C11orf65: variants seen among roughly 807,000 people sequenced by gnomAD.
C11orf65 encodes the protein chromosome 11 open reading frame 65.
A neutral mutation model predicts 35.3 loss-of-function variants in C11orf65; 38 were observed. That is an observed-to-expected ratio of 1.08 (90% CI 0.83 to 1.41). The LOEUF is 1.41. Ranked by LOEUF, C11orf65 falls within the 40% of genes most tolerant of loss-of-function variation. C11orf65 has a pLI of 0.00. For synonymous variants in C11orf65, 105 were observed against 114.4 expected (o/e 0.92, Z 0.53); for missense variants, 370 against 367.1 (o/e 1.01, Z -0.06).
downstream of C11orf65, among the ~76,000 whole-genome samples, chr11:108,378,469 C>A (rs1277749983): frequency 1.5e-5 from 2 of 133,380 alleles, no homozygotes; most frequent in Non-Finnish European, 3.1e-5. Context: ...ACACCTTATA[C>A]AAAAATTAAT....
At chr11:108,348,376 A>T (rs55675181) in intron 2 of C11orf65, among the ~76,000 whole-genome samples, 1 of 151,636 alleles carries the variant, frequency 6.6e-6, no homozygotes, top group Non-Finnish European at 1.5e-5. Flanking sequence ...AGTTTAATAT[A>T]TAAGAAAGAA....
At chr11:108,331,411 T>C (rs764637908) in exon 4 of C11orf65, 1 of 1,604,744 alleles carries the variant, frequency 6.2e-7, no homozygotes, top group South Asian at 1.1e-5. Context: ...AAATACCTTG[T>C]TTCTTAATTT....
intron 2 of C11orf65, among the ~76,000 whole-genome samples, chr11:108,459,755 A>G (rs1373296190): frequency 6.6e-6 from 1 of 150,638 alleles, no homozygotes; most frequent in Non-Finnish European, 1.5e-5. Flanking sequence ...ACACACACAC[A>G]CACACACACA....
rs946400892 is a variant in C11orf65 at position 108,445,324 on chromosome 11, C to T, written c.82-13486G>A. 2.6e-5 allele frequency among the ~76,000 whole-genome samples: 4 copies of T among 152,306 alleles called. No individual in the cohort carries two copies. The East Asian group carries it at 7.7e-4, about 29-fold the overall frequency. On this transcript the variant is annotated intron_variant, in intron 2 of 8. Coordinates refer to ENST00000393084, the MANE Select transcript of C11orf65 (RefSeq NM_152587.5). ...ACTGCCTCCTCAAGTGGGTCCCTGACCCCCGAGCAGCCTAACTGGGAGGCA... is the reference window on the plus strand; with the variant it reads ...ACTGCCTCCTCAAGTGGGTCCCTGATCCCCGAGCAGCCTAACTGGGAGGCA...
chr11:108,383,278 C>G, intron 8 of C11orf65, 103 bp from the exon 9 acceptor site: 2 of 1,017,052 alleles, frequency 2.0e-6, no homozygotes, highest in Admixed American at 6.2e-5. Context: ...TTTCACCATT[C>G]TTAAAGCAAA....
intron 2 of C11orf65, among the ~76,000 whole-genome samples, chr11:108,337,393 G>A (rs1299113097): frequency 6.6e-6 from 1 of 152,166 alleles, no homozygotes; most frequent in East Asian, 1.9e-4. Context: ...CTCTATAAAG[G>A]CTACTCTGTA....
intron 6 of C11orf65, 47 bp downstream of exon 6, chr11:108,405,382 T>C: frequency 6.3e-7 from 1 of 1,587,508 alleles, no homozygotes; most frequent in South Asian, 1.2e-5. Context: ...ATTTGTTTTT[T>C]TCCCAAAATA....
chr11:108,415,857 A>G (rs537920549), intron 3 of C11orf65, among the ~76,000 whole-genome samples: 9 of 152,336 alleles, frequency 5.9e-5, no homozygotes, highest in African/African-American at 1.4e-4. Flanking sequence ...ATTTAGTGAC[A>G]AAAGAATAGT....
chr11:108,326,495 G>C (rs918482877), downstream of C11orf65, among the ~76,000 whole-genome samples: 1 of 152,006 alleles, frequency 6.6e-6, no homozygotes, highest in Non-Finnish European at 1.5e-5. Flanking sequence ...ATTCAAGAAA[G>C]GTATGTGGGA....
At position 108,427,578 on chromosome 11, in the gene C11orf65, C is replaced by A. The variant is rs565496243; in HGVS notation, c.174+4168G>T. Among the ~76,000 whole-genome samples, 3 of 149,752 alleles carry A rather than the reference C, an allele frequency of 2.0e-5. No individual in the cohort carries two copies. In the South Asian group the frequency reaches 6.3e-4, roughly 32 times the overall value. On this transcript the variant is annotated intron_variant, in intron 3 of 8. Transcript: ENST00000393084. ...ACTAAAAAAAAATACAAAAATTAGC[C>A]GGGCATGGTGGCGCGCGTCTGTAGT...
At chr11:108,376,449 A>G (rs1417500050) in intron 2 of C11orf65, among the ~76,000 whole-genome samples, 3 of 152,264 alleles carry the variant, frequency 2.0e-5, no homozygotes, top group Admixed American at 6.5e-5. Flanking sequence ...AAGACACAAC[A>G]TACCAGAATC....
At chr11:108,310,115 T>G (rs761759538) in intron 6 of C11orf65, 2 of 1,576,950 alleles carry the variant, frequency 1.3e-6, no homozygotes, top group Non-Finnish European at 1.7e-6. Flanking sequence ...ATTTTGATAT[T>G]GAAGTTTAAA....
chr11:108,465,983 A>T (rs1425723973), intron 1 of C11orf65, among the ~76,000 whole-genome samples: 3 of 138,908 alleles, frequency 2.2e-5, no homozygotes, highest in African/African-American at 8.3e-5. Context: ...AACTCGGTCT[A>T]AAAAAAAAAA....
chr11:108,312,314 C>A, intron 6 of C11orf65: 1 of 893,302 alleles, frequency 1.1e-6, no homozygotes, highest in Non-Finnish European at 1.9e-6. Context: ...TGTTTGCCAC[C>A]TTCATTAGTT....
intron 2 of C11orf65, chr11:108,354,770 G>T (rs755010158): frequency 6.6e-7 from 1 of 1,520,568 alleles, no homozygotes; most frequent in South Asian, 1.1e-5. Flanking sequence ...GACAACATTG[G>T]TGTGTAACAA....
chr11:108,385,667 G>A (rs1049809279), intron 8 of C11orf65, among the ~76,000 whole-genome samples: 1 of 140,946 alleles, frequency 7.1e-6, no homozygotes, highest in Non-Finnish European at 1.5e-5. Flanking sequence ...GGGCGACAGA[G>A]CAAGACTCCG....
At chr11:108,348,262 A>G (rs1005191669) in intron 2 of C11orf65, among the ~76,000 whole-genome samples, 7 of 151,700 alleles carry the variant, frequency 4.6e-5, no homozygotes, top group Admixed American at 2.6e-4. Context: ...AAGAGAATAT[A>G]TATAGCTAAG....
chr11:108,392,556 C>T (rs912636735), intron 7 of C11orf65, among the ~76,000 whole-genome samples: 9 of 152,178 alleles, frequency 5.9e-5, no homozygotes, highest in African/African-American at 1.9e-4. Flanking sequence ...CACATGTCAG[C>T]TCTATGTTTA....
At chr11:108,461,694 G>C (rs565133055) in intron 1 of C11orf65, 126 bp from the exon 2 acceptor site, 19 of 596,670 alleles carry the variant, frequency 3.2e-5, no homozygotes, top group East Asian at 6.5e-5. Flanking sequence ...GTGGTGCGAT[G>C]ATAGCTCACT....
Sources: allele counts gnomAD v4.1 joint callset (sites outside exome capture counted in the v4.1 genomes callset), GRCh38; gene constraint gnomAD v4.1.1; transcripts MANE v1.5; gene names NCBI Gene and HGNC (gene_info 2026-07-23, HGNC 2026-07-21).